The following AFF2 variants were observed in gnomAD, a reference collection of about 807,000 sequenced individuals.
The protein encoded by AFF2 is ALF transcription elongation factor 2.
A neutral mutation model predicts 76.9 loss-of-function variants in AFF2; 14 were observed. The observed-to-expected ratio is 0.18, with a 90% CI of 0.12 to 0.28. The LOEUF is 0.28. Ranked by LOEUF, AFF2 falls within the 10% of genes least tolerant of loss-of-function variation. The pLI, the probability that AFF2 is intolerant of heterozygous loss-of-function variation, is 1.00. For missense variants in AFF2, 868 were observed against 1,001.1 expected, an observed-to-expected ratio of 0.87 and a Z score of 1.79; for synonymous variants, 398 against 366.7, an observed-to-expected ratio of 1.09 and a Z score of -0.98.
At chrX:148,724,867 A>T (rs2124545732) in intron 3 of AFF2, among the ~76,000 whole-genome samples, 1 of 112,616 alleles carries the variant, frequency 8.9e-6, no homozygotes, top group East Asian at 2.8e-4. Context: ...CGGAGTTAGT[A>T]ATTAATACAT....
In AFF2 at chrX:148,899,595, T is replaced by C. The variant is rs188492040; in HGVS notation, c.1360-4626T>C. 2.2e-4 allele frequency among the ~76,000 whole-genome samples: 25 copies of C among 112,387 alleles called. No homozygotes were observed. The East Asian group carries it at 5.9e-3, about 26-fold the overall frequency. On this transcript the variant is annotated intron_variant, in intron 8 of 20. Coordinates refer to ENST00000370460, the MANE Select transcript of AFF2 (RefSeq NM_002025.4). ...CAGTTATTTGAAATTATCTGAATGA[T>C]TGGATTTTCCCTTTTGATTAAGAAA... is the stretch of plus-strand genomic sequence containing the variant.
chrX:148,871,428 G>T (rs1435968187), intron 7 of AFF2, among the ~76,000 whole-genome samples: 1 of 111,367 alleles, frequency 9.0e-6, no homozygotes, highest in Non-Finnish European at 1.9e-5. Context: ...AGCAAGAATG[G>T]ACACATTTTT....
rs782663982 is a variant in AFF2 at position 148,662,462 on chromosome X, C to T, written c.735C>T (p.Ala245=). Residue 245 remains alanine (A), a synonymous_variant, in exon 3 of 21, where the codon GCC becomes GCT. Coordinates refer to ENST00000370460, the MANE Select transcript of AFF2 (RefSeq NM_002025.4). ...ATTCACCGGAAGAATCTGAATTCGCCGTGCAAGCGCCTGGGTCTCCCCTAG... is the reference window on the plus strand; with the variant it reads ...ATTCACCGGAAGAATCTGAATTCGCTGTGCAAGCGCCTGGGTCTCCCCTAG... ...QSNSPEESEF[A]VQAPGSPLVA... The T allele has an allele frequency of 1.7e-5, 20 of 1,210,113 alleles. No homozygotes were observed. The African/African-American group carries it at 1.7e-4, about 11-fold the overall frequency.
intron 3 of AFF2, among the ~76,000 whole-genome samples, chrX:148,721,918 C>G (rs2055097976): frequency 2.7e-5 from 3 of 111,790 alleles, no homozygotes; most frequent in Admixed American, 9.5e-5. Context: ...CCAAATTTCC[C>G]TCTTCTCATA....
intron 3 of AFF2, among the ~76,000 whole-genome samples, chrX:148,799,218 A>T (rs2070025362): frequency 8.9e-6 from 1 of 112,142 alleles, no homozygotes; most frequent in Admixed American, 9.5e-5. Flanking sequence ...AAGAGGCTGG[A>T]TATAGTCAGA....
At chrX:148,837,793 A>C in intron 5 of AFF2, 60 bp downstream of exon 5, 1 of 846,798 alleles carries the variant, frequency 1.2e-6, no homozygotes, top group Non-Finnish European at 1.7e-6. Context: ...CAATCTTCCA[A>C]CTGGATTCTC....
chrX:148,710,858 T>A (rs2054958798), intron 3 of AFF2, among the ~76,000 whole-genome samples: 1 of 111,654 alleles, frequency 9.0e-6, no homozygotes, highest in Non-Finnish European at 1.9e-5. Context: ...GTTTCATAGG[T>A]TGGGCCAAGG....
At chrX:148,684,381 A>G (rs936999367) in intron 3 of AFF2, among the ~76,000 whole-genome samples, 16 of 112,253 alleles carry the variant, frequency 1.4e-4, no homozygotes, top group African/African-American at 6.5e-5. Flanking sequence ...TTGGCCTTTA[A>G]GTTTGTACCT....
At chrX:148,785,770 T>C (rs73605957) in intron 3 of AFF2, among the ~76,000 whole-genome samples, 7,738 of 111,915 alleles carry the variant, frequency 0.069, 556 homozygotes, top group African/African-American at 0.22. Flanking sequence ...AGCACTGGCT[T>C]GGAAGCTCAA....
At chrX:148,711,673 A>G (rs2054969682) in intron 3 of AFF2, among the ~76,000 whole-genome samples, 1 of 112,208 alleles carries the variant, frequency 8.9e-6, no homozygotes, top group Non-Finnish European at 1.9e-5. Context: ...ATTTTATGCT[A>G]ATGAAGGCAA....
chrX:148,655,316 G>A (rs781815667), intron 2 of AFF2, among the ~76,000 whole-genome samples: 12 of 98,982 alleles, frequency 1.2e-4, no homozygotes, highest in South Asian at 4.7e-4. Context: ...ATGGAGTCTC[G>A]CTCTATCGCC....
chrX:148,639,658 G>A (rs1465424257), intron 1 of AFF2, among the ~76,000 whole-genome samples: 5 of 112,094 alleles, frequency 4.5e-5, no homozygotes, highest in Non-Finnish European at 9.4e-5. Context: ...ATGCATGTGT[G>A]TGTGCAGTGC....
At chrX:148,526,183 ATTC>A (rs1209985280) in intron 1 of AFF2, among the ~76,000 whole-genome samples, 1 of 111,113 alleles carries the variant, frequency 9.0e-6, no homozygotes, top group Non-Finnish European at 1.9e-5. Flanking sequence ...TAGTCGGTGG[ATTC>A]TTATTTTATT....
At chrX:148,679,788 T>G (rs2054527900) in intron 3 of AFF2, among the ~76,000 whole-genome samples, 1 of 111,646 alleles carries the variant, frequency 9.0e-6, no homozygotes, top group African/African-American at 3.3e-5. Flanking sequence ...TCTAAATACA[T>G]TTCACTTAGA....
At chrX:148,510,747 G>T (rs1407639547) in intron 1 of AFF2, among the ~76,000 whole-genome samples, 2 of 112,044 alleles carry the variant, frequency 1.8e-5, no homozygotes, top group African/African-American at 6.5e-5. Flanking sequence ...GCTCATTAAG[G>T]GTGGAGAGTT....
chrX:148,681,014 G>A (rs185883203), intron 3 of AFF2, among the ~76,000 whole-genome samples: 1 of 111,618 alleles, frequency 9.0e-6, no homozygotes, highest in East Asian at 2.8e-4. Context: ...GGACCTCCAA[G>A]GGAATCCATA....
intron 7 of AFF2, among the ~76,000 whole-genome samples, chrX:148,882,121 T>C (rs2071103963): frequency 1.8e-5 from 2 of 111,509 alleles, no homozygotes; most frequent in Non-Finnish European, 3.8e-5. Context: ...CTATGTAAAT[T>C]GGCAAGGTTT....
At chrX:148,979,032 A>G (rs782319566) in intron 18 of AFF2, among the ~76,000 whole-genome samples, 2 of 111,999 alleles carry the variant, frequency 1.8e-5, no homozygotes, top group Admixed American at 9.5e-5. Context: ...TCAAAATGCA[A>G]CGCCAAAATT....
chrX:148,524,758 A>G (rs1453612643), intron 1 of AFF2, among the ~76,000 whole-genome samples: 1 of 112,231 alleles, frequency 8.9e-6, no homozygotes, highest in Non-Finnish European at 1.9e-5. Context: ...CCAATGCCTC[A>G]TCTTCCAGAG....
Sources: allele counts gnomAD v4.1 joint callset (sites outside exome capture counted in the v4.1 genomes callset), GRCh38; gene constraint gnomAD v4.1.1; transcripts MANE v1.5; gene names NCBI Gene and HGNC (gene_info 2026-07-23, HGNC 2026-07-21).